TMEM108: variants seen among roughly 807,000 people sequenced by gnomAD.
TMEM108 encodes the protein cancer/testis antigen 124.
TMEM108 carries 12 observed loss-of-function variants against 35.1 expected under a neutral mutation model. The observed-to-expected ratio is 0.34, with a 90% confidence interval of 0.22 to 0.55. The LOEUF is 0.55. Ranked by LOEUF, TMEM108 falls within the 20% of genes least tolerant of loss-of-function variation. TMEM108 has a pLI of 0.89. For missense variants in TMEM108, 680 were observed against 753.3 expected (o/e 0.90, Z 1.14); for synonymous variants, 287 against 308.6 (o/e 0.93, Z 0.73).
At chr3:133,308,588 C>T (rs1339637793) in intron 3 of TMEM108, among the ~76,000 whole-genome samples, 2 of 152,064 alleles carry the variant, frequency 1.3e-5, no homozygotes, top group Admixed American at 6.6e-5. Context: ...TGAATTTTGT[C>T]GAAGGCCTTT....
intron 3 of TMEM108, among the ~76,000 whole-genome samples, chr3:133,231,831 T>A (rs1345757184): frequency 6.6e-6 from 1 of 152,204 alleles, no homozygotes; most frequent in African/African-American, 2.4e-5. Context: ...TTGTGCCTAC[T>A]ATGTTCACAA....
chr3:133,097,657 G>A (rs1044611813), intron 2 of TMEM108, among the ~76,000 whole-genome samples: 3 of 152,156 alleles, frequency 2.0e-5, no homozygotes, highest in African/African-American at 7.2e-5. Context: ...TTGTTCTACT[G>A]TCTGAATGTT....
chr3:133,119,245 A>AAAG (rs1162307776), intron 2 of TMEM108: 1 of 152,098 alleles, frequency 6.6e-6, no homozygotes, highest in East Asian at 1.9e-4. Context: ...TGAAAAAAAA[A>AAAG]AAGAGGGAAA....
intron 3 of TMEM108, among the ~76,000 whole-genome samples, chr3:133,378,102 T>C (rs963909383): frequency 6.6e-6 from 1 of 152,156 alleles, no homozygotes; most frequent in Admixed American, 6.5e-5. Flanking sequence ...GTCTAGATCA[T>C]GAATGAAAGT....
intron 3 of TMEM108, among the ~76,000 whole-genome samples, chr3:133,353,541 C>T (rs1179082908): frequency 6.6e-6 from 1 of 152,148 alleles, no homozygotes; most frequent in Non-Finnish European, 1.5e-5. Context: ...GCTGTATCTG[C>T]CTTTGCCTGT....
At chr3:133,267,591 C>T (rs1946717038) in intron 3 of TMEM108, among the ~76,000 whole-genome samples, 1 of 152,242 alleles carries the variant, frequency 6.6e-6, no homozygotes, top group South Asian at 2.1e-4. Context: ...ATTATTACCT[C>T]ACAATTTCCA....
At position 133,387,064 on chromosome 3, in the gene TMEM108, G is replaced by C. The variant is rs1056918122; in HGVS notation, c.1451-3116G>C. On this transcript the variant is annotated intron_variant, in intron 4 of 5. Transcript: ENST00000321871. ...TGAAAGGTGAGACCACTGAAATAGT[G>C]AATGTTCTAACCCCTAGGTGGAGCT... The C allele has an allele frequency of 1.0e-5, 10 of 985,544 alleles. No individual in the cohort carries two copies. In the South Asian group the frequency reaches 1.4e-4, roughly 14 times the overall value. 61.0% of individuals were successfully genotyped at this position (985,544 alleles called of 1,614,324 possible). A position where few individuals can be genotyped will look rare whatever the true frequency, so the allele number is the denominator to read the frequency against.
chr3:133,209,957 G>C (rs1364363517), intron 2 of TMEM108, among the ~76,000 whole-genome samples: 2 of 152,090 alleles, frequency 1.3e-5, no homozygotes, highest in Non-Finnish European at 2.9e-5. Flanking sequence ...GGACAAGTGA[G>C]AGGCTTATCA....
intron 2 of TMEM108, among the ~76,000 whole-genome samples, chr3:133,202,075 T>G (rs1383708542): frequency 6.6e-6 from 1 of 152,248 alleles, no homozygotes; most frequent in Non-Finnish European, 1.5e-5. Context: ...TTCTCGTACG[T>G]TTGTTGGCTA....
At chr3:133,156,960 C>G (rs1019198450) in intron 2 of TMEM108, among the ~76,000 whole-genome samples, 1 of 152,134 alleles carries the variant, frequency 6.6e-6, no homozygotes, top group African/African-American at 2.4e-5. Flanking sequence ...CCCCAGCTAC[C>G]TGATGTTAAG....
chr3:133,073,510 C>CTCTCTCTCTATATA lies in TMEM108; in HGVS notation c.-47+27491_-47+27492insCTCTCTCTATATAT. Among the ~76,000 whole-genome samples, 413 of 43,822 alleles carry CTCTCTCTCTATATA rather than the reference C, an allele frequency of 9.4e-3. 3 individuals carry two copies. Among genetic ancestry groups the CTCTCTCTCTATATA allele is most frequent in the Non-Finnish European group, 0.012 (318 of 25,754 alleles). 28.7% of individuals were successfully genotyped at this position (43,822 alleles called of 152,430 possible). On this transcript the variant is annotated intron_variant, in intron 2 of 5. Transcript: ENST00000321871. ...TCTCTCTCTCTCTCTCTCTCTCTCTCTATATATATATATATATATATATAT... is the reference window on the plus strand; with the variant it reads ...TCTCTCTCTCTCTCTCTCTCTCTCTCTCTCTCTCTATATATATATATATATATATATATATATAT...
intron 2 of TMEM108, among the ~76,000 whole-genome samples, chr3:133,168,547 G>C (rs891884277): frequency 2.0e-5 from 3 of 151,772 alleles, no homozygotes; most frequent in Non-Finnish European, 4.4e-5. Flanking sequence ...AAACACACCA[G>C]TTAGCACTTG....
intron 3 of TMEM108, among the ~76,000 whole-genome samples, chr3:133,320,729 A>G (rs780721137): frequency 1.3e-5 from 2 of 152,200 alleles, no homozygotes; most frequent in Non-Finnish European, 2.9e-5. Context: ...CAGGTTATCC[A>G]AAGTCAAGAC....
rs533055810 is a variant in TMEM108 at position 133,141,191 on chromosome 3, T to A, written c.-46-88075T>A. ...GCACAGATCTCTCTAATGGTTAGGTTGTTTCCAGAGCTATGGTGCCAGCAG... is the reference window on the plus strand; with the variant it reads ...GCACAGATCTCTCTAATGGTTAGGTAGTTTCCAGAGCTATGGTGCCAGCAG... On this transcript the variant is annotated intron_variant, in intron 2 of 5. Transcript: ENST00000321871. Among the ~76,000 whole-genome samples, 3 of 152,334 alleles carry A rather than the reference T, an allele frequency of 2.0e-5. No individual in the cohort carries two copies. The East Asian group carries it at 5.8e-4, about 29-fold the overall frequency.
At chr3:133,096,001 G>A (rs972171391) in intron 2 of TMEM108, among the ~76,000 whole-genome samples, 8 of 152,122 alleles carry the variant, frequency 5.3e-5, no homozygotes, top group Admixed American at 2.0e-4. Flanking sequence ...TTTGCTGTGT[G>A]GACCATCAAT....
chr3:133,118,237 A>G (rs536688728), intron 2 of TMEM108, among the ~76,000 whole-genome samples: 9 of 152,248 alleles, frequency 5.9e-5, no homozygotes, highest in African/African-American at 2.2e-4. Flanking sequence ...TTTTATGCCC[A>G]TCCAGGTGTG....
intron 3 of TMEM108, among the ~76,000 whole-genome samples, chr3:133,241,327 C>T (rs1946309572): frequency 1.3e-5 from 2 of 152,222 alleles, no homozygotes; most frequent in Non-Finnish European, 2.9e-5. Flanking sequence ...CTCTCCTGTT[C>T]ATCCATTTCC....
chr3:133,109,875 G>C (rs1259508088), intron 2 of TMEM108, among the ~76,000 whole-genome samples: 1 of 152,154 alleles, frequency 6.6e-6, no homozygotes, highest in Non-Finnish European at 1.5e-5. Flanking sequence ...CTAATAATCA[G>C]TGTGACCTTA....
intron 3 of TMEM108, among the ~76,000 whole-genome samples, chr3:133,232,320 C>T (rs1946164881): frequency 6.6e-6 from 1 of 152,040 alleles, no homozygotes; most frequent in Non-Finnish European, 1.5e-5. Context: ...GAGAGATGCC[C>T]CAAGAGCTGG....
Sources: gnomAD v4.1 joint callset for allele counts (sites outside exome capture counted in the v4.1 genomes callset) on GRCh38, gnomAD v4.1.1 for gene constraint, MANE v1.5 for transcripts, NCBI Gene and HGNC (gene_info 2026-07-23, HGNC 2026-07-21) for gene names.